SCG5: variants seen among roughly 807,000 people sequenced by gnomAD.
The protein encoded by SCG5 is neuroendocrine protein 7B2.
Under a neutral mutation model 25.7 loss-of-function variants are expected in SCG5, and 18 were observed. That is an observed-to-expected ratio of 0.70 (90% CI 0.48 to 1.04). SCG5 has a LOEUF of 1.04. Ranked by LOEUF, SCG5 falls within the 50% of genes least tolerant of loss-of-function variation. SCG5 has a pLI of 0.00. For missense variants in SCG5, 206 were observed against 259.8 expected, an observed-to-expected ratio of 0.79 and a Z score of 1.42; for synonymous variants, 101 against 91.7, an observed-to-expected ratio of 1.10 and a Z score of -0.58.
At chr15:32,646,596 C>A (rs933725067) in intron 2 of SCG5, among the ~76,000 whole-genome samples, 31 of 152,316 alleles carry the variant, frequency 2.0e-4, no homozygotes, top group African/African-American at 7.0e-4. Flanking sequence ...ATATTCCCAG[C>A]AGGTGGGAAT....
intron 5 of SCG5, among the ~76,000 whole-genome samples, chr15:32,695,938 ATC>A (rs2054950196): frequency 6.6e-6 from 1 of 152,172 alleles, no homozygotes. Flanking sequence ...ACCACATTGT[ATC>A]TGATAAAGAG....
intron 2 of SCG5, among the ~76,000 whole-genome samples, chr15:32,675,739 T>C (rs756788438): frequency 3.3e-5 from 5 of 152,226 alleles, no homozygotes; most frequent in Non-Finnish European, 5.9e-5. Flanking sequence ...TGCCGTATCC[T>C]GGTTACATTA....
At chr15:32,690,658 A>G (rs1044359168) in intron 4 of SCG5, among the ~76,000 whole-genome samples, 3 of 152,208 alleles carry the variant, frequency 2.0e-5, no homozygotes, top group Non-Finnish European at 4.4e-5. Context: ...GTAGATTTTA[A>G]TGAACGTGAA....
rs143192740 is a variant in SCG5, at chr15:32,678,564, G to A, written c.227-1202G>A. ...TGCTTGTGAGAATGTTGCAAAAGTT[G>A]TATTTCATATTTTGCTGCTGATGGC... On this transcript the variant is annotated intron_variant, in intron 2 of 5. Transcript: ENST00000300175. Among the ~76,000 whole-genome samples, 193 of 152,308 alleles carry A rather than the reference G, an allele frequency of 1.3e-3. No individual in the cohort carries two copies. In the South Asian group the frequency reaches 0.016, roughly 12 times the overall value.
chr15:32,668,944 C>G (rs2054369275), intron 2 of SCG5: 1 of 152,218 alleles, frequency 6.6e-6, no homozygotes, highest in Non-Finnish European at 1.5e-5. Flanking sequence ...GGTTTGGCCC[C>G]TAATGTCTTT....
chr15:32,651,320 G>C (rs1404521030), intron 2 of SCG5, among the ~76,000 whole-genome samples: 6 of 152,234 alleles, frequency 3.9e-5, no homozygotes, highest in Admixed American at 3.3e-4. Flanking sequence ...TGGAGAAAGA[G>C]TCCTGTGGAT....
intron 1 of SCG5, 56 bp from the exon 2 acceptor site, chr15:32,643,530 A>C: frequency 7.5e-7 from 1 of 1,328,294 alleles, no homozygotes; most frequent in Admixed American, 1.7e-5. Flanking sequence ...TTATAATTGT[A>C]TTATCACAAT....
chr15:32,648,029 T>C (rs1024410172), intron 2 of SCG5, among the ~76,000 whole-genome samples: 1 of 152,190 alleles, frequency 6.6e-6, no homozygotes, highest in Non-Finnish European at 1.5e-5. Flanking sequence ...CTTTCTTGCA[T>C]ATCCATAGGC....
At chr15:32,667,015 G>A (rs755678561) in intron 2 of SCG5, among the ~76,000 whole-genome samples, 37 of 152,114 alleles carry the variant, frequency 2.4e-4, no homozygotes, top group Non-Finnish European at 4.4e-5. Flanking sequence ...CTATTTGGAA[G>A]ACAGTATGCA....
Position 32,643,851 on chromosome 15 carries a change from C to T in SCG5, c.226+33C>T, listed in dbSNP as rs373470948. On this transcript the variant is annotated intron_variant, in intron 2 of 5. Transcript: ENST00000300175. The stretch of plus-strand genomic sequence containing the variant: ...CTGTGTTCTGATGGTTTGAAGTTTC[C>T]GTTAGCATTTTAAATAATATATTTG... The T allele has an allele frequency of 6.4e-6, 10 of 1,563,158 alleles. 1 individual carries two copies. Among genetic ancestry groups the T allele is most frequent in the Middle Eastern group, 4.3e-4 (2 of 4,648 alleles).
At chr15:32,653,812 A>G (rs1000314072) in intron 2 of SCG5, among the ~76,000 whole-genome samples, 15 of 152,202 alleles carry the variant, frequency 9.9e-5, no homozygotes, top group Admixed American at 7.2e-4. Context: ...TAATACCTTC[A>G]CAGAAAAATC....
intron 2 of SCG5, among the ~76,000 whole-genome samples, chr15:32,667,998 C>T (rs957547552): frequency 1.3e-5 from 2 of 152,128 alleles, no homozygotes; most frequent in Non-Finnish European, 2.9e-5. Flanking sequence ...TATTGCCAGG[C>T]AGAGGTTACA....
At chr15:32,658,731 A>G (rs1375189897) in intron 2 of SCG5, among the ~76,000 whole-genome samples, 1 of 152,180 alleles carries the variant, frequency 6.6e-6, no homozygotes, top group African/African-American at 2.4e-5. Context: ...GATACCCTCG[A>G]TGGTGGCAGG....
chr15:32,673,911 G>T (rs565160899), intron 2 of SCG5, among the ~76,000 whole-genome samples: 1 of 152,124 alleles, frequency 6.6e-6, no homozygotes, highest in East Asian at 1.9e-4. Context: ...AGTAGAAATG[G>T]GGTTTCACCA....
At chr15:32,691,628 C>G (rs888574301) in intron 4 of SCG5, 82 bp from the exon 5 acceptor site, 4 of 1,076,026 alleles carry the variant, frequency 3.7e-6, no homozygotes, top group Non-Finnish European at 5.5e-6. Flanking sequence ...AGGGGACACA[C>G]CAAGTATTGC....
At chr15:32,647,638 C>G (rs1282861362) in intron 2 of SCG5, among the ~76,000 whole-genome samples, 1 of 152,192 alleles carries the variant, frequency 6.6e-6, no homozygotes. Context: ...TTCTTCACCT[C>G]TCATTCTCTC....
At position 32,648,749 on chromosome 15, in the gene SCG5, C is replaced by T. The variant is rs1291231919; in HGVS notation, c.226+4931C>T. On this transcript the variant is annotated intron_variant, in intron 2 of 5. Coordinates refer to ENST00000300175, the MANE Select transcript of SCG5 (RefSeq NM_001144757.3). ...ACTGCCCTGTCTGAGTAGCACCCCC[C>T]TACATTCTCTGTTGCAGTCTCCTTT... Among the ~76,000 whole-genome samples, 3 of 150,132 alleles carry T rather than the reference C, an allele frequency of 2.0e-5. No individual in the cohort carries two copies. The East Asian group carries it at 5.9e-4, about 30-fold the overall frequency.
chr15:32,686,048 T>G (rs1391446998), intron 4 of SCG5, among the ~76,000 whole-genome samples: 3 of 152,240 alleles, frequency 2.0e-5, no homozygotes, highest in Admixed American at 1.3e-4. Flanking sequence ...CAGTTCCCTC[T>G]GTCTTCAACA....
chr15:32,684,445 A>G (rs1454336264), intron 3 of SCG5, 112 bp from the exon 4 acceptor site: 1 of 673,150 alleles, frequency 1.5e-6, no homozygotes, highest in Admixed American at 2.5e-5. Context: ...CTAAGTTACT[A>G]CTGATGTGAA....
Sources: gnomAD v4.1 joint callset for allele counts (sites outside exome capture counted in the v4.1 genomes callset) on GRCh38, gnomAD v4.1.1 for gene constraint, MANE v1.5 for transcripts, NCBI Gene and HGNC (gene_info 2026-07-23, HGNC 2026-07-21) for gene names.